Variants in NFATC3 observed in about 807,000 individuals in gnomAD.
NFATC3 encodes nuclear factor of activated T cells 3, also known as nuclear factor of activated T-cells, cytoplasmic 3.
Under a neutral mutation model 98.6 loss-of-function variants are expected in NFATC3, and 46 were observed. That is an observed-to-expected ratio of 0.47 (90% CI 0.37 to 0.60). The LOEUF is 0.60. Ranked by LOEUF, NFATC3 falls within the 20% of genes least tolerant of loss-of-function variation. NFATC3 has a pLI of 0.00. For synonymous variants in NFATC3, 512 were observed against 472.2 expected, an observed-to-expected ratio of 1.08 and a Z score of -1.09; for missense variants, 1,256 against 1,295.5, an observed-to-expected ratio of 0.97 and a Z score of 0.47.
chr16:68,186,993 G>A (rs1048713894), intron 8 of NFATC3, among the ~76,000 whole-genome samples: 1 of 152,220 alleles, frequency 6.6e-6, no homozygotes, highest in African/African-American at 2.4e-5. Flanking sequence ...GGGCCACTTG[G>A]CCTGGCAAGC....
intron 1 of NFATC3, among the ~76,000 whole-genome samples, chr16:68,091,628 T>C (rs1047508991): frequency 2.0e-5 from 3 of 152,334 alleles, no homozygotes; most frequent in South Asian, 2.1e-4. Context: ...TTGTTTTAAA[T>C]AAGAGGTGAG....
intron 3 of NFATC3, chr16:68,138,766 A>G (rs1383585315): frequency 1.6e-6 from 2 of 1,281,804 alleles, no homozygotes; most frequent in Admixed American, 2.4e-5. Context: ...GTAGTATAAT[A>G]TAGAACTCTA....
At chr16:68,154,618 T>C (rs2038513315) in intron 3 of NFATC3, among the ~76,000 whole-genome samples, 1 of 152,240 alleles carries the variant, frequency 6.6e-6, no homozygotes, top group Admixed American at 6.5e-5. Flanking sequence ...TGCAGTCTCC[T>C]CTCAGGGAAC....
intron 1 of NFATC3, among the ~76,000 whole-genome samples, chr16:68,094,486 A>G (rs1296090532): frequency 2.6e-5 from 4 of 151,932 alleles, no homozygotes; most frequent in Admixed American, 6.6e-5. Flanking sequence ...ACTACCTTCT[A>G]TAGCCACTAG....
Position 68,166,834 on chromosome 16 carries a change from T to C in NFATC3, c.1602-9T>C, listed in dbSNP as rs2039223404. On this transcript the variant is annotated splice_polypyrimidine_tract_variant and intron_variant, in intron 4 of 9. Transcript: ENST00000346183. ...TAAACAAATTAAATTTTTGTATTTTTCTCTTTAGTATTGATTGTGCAGGTA... is the reference window on the plus strand; with the variant it reads ...TAAACAAATTAAATTTTTGTATTTTCCTCTTTAGTATTGATTGTGCAGGTA... 5 of 1,591,874 alleles carry C rather than the reference T, an allele frequency of 3.1e-6. No homozygotes were observed. The highest frequency in any genetic ancestry group is 4.3e-6 in the Non-Finnish European group (5 of 1,166,926).
intron 5 of NFATC3, 139 bp downstream of exon 5, chr16:68,167,154 A>G (rs566776002): frequency 1.2e-6 from 1 of 833,590 alleles, no homozygotes; most frequent in East Asian, 2.5e-5. Flanking sequence ...CTCATGTGGA[A>G]ATGAGCTAAC....
chr16:68,109,123 G>A (rs889030380), intron 1 of NFATC3, among the ~76,000 whole-genome samples: 7 of 152,148 alleles, frequency 4.6e-5, no homozygotes, highest in Admixed American at 1.3e-4. Context: ...AATAGGAGTG[G>A]TGAGATAGGG....
intron 1 of NFATC3, among the ~76,000 whole-genome samples, chr16:68,115,819 A>G: frequency 6.6e-6 from 1 of 152,276 alleles, no homozygotes; most frequent in Middle Eastern, 3.4e-3. Context: ...GTGGTAATGC[A>G]TATATATGGC....
At chr16:68,141,584 A>G (rs1443988551) in intron 3 of NFATC3, among the ~76,000 whole-genome samples, 1 of 151,918 alleles carries the variant, frequency 6.6e-6, no homozygotes, top group Admixed American at 6.6e-5. Context: ...CATTTTTTTC[A>G]TACGTTTGTG....
At chr16:68,124,346 C>G (rs1031668291) in intron 2 of NFATC3, among the ~76,000 whole-genome samples, 1 of 151,764 alleles carries the variant, frequency 6.6e-6, no homozygotes, top group African/African-American at 2.4e-5. Flanking sequence ...CTCCTGGCCT[C>G]AAGTGATCCT....
At chr16:68,125,854 A>G (rs868858149) in intron 2 of NFATC3, among the ~76,000 whole-genome samples, 26 of 152,152 alleles carry the variant, frequency 1.7e-4, no homozygotes, top group African/African-American at 6.0e-4. Context: ...GGAAACCAAA[A>G]TGAAGATAAG....
At chr16:68,113,061 T>C (rs74212657) in intron 1 of NFATC3, among the ~76,000 whole-genome samples, 2 of 152,204 alleles carry the variant, frequency 1.3e-5, no homozygotes, top group South Asian at 2.1e-4. Flanking sequence ...AAGTTTGTTA[T>C]TACCTACCTT....
chr16:68,155,858 A>G (rs1236145128), intron 3 of NFATC3, among the ~76,000 whole-genome samples: 1 of 152,140 alleles, frequency 6.6e-6, no homozygotes, highest in Non-Finnish European at 1.5e-5. Context: ...AAAGAGAGAA[A>G]ACACTCAATG....
chr16:68,198,047 T>C (rs1037300183), intron 9 of NFATC3, among the ~76,000 whole-genome samples: 1 of 152,172 alleles, frequency 6.6e-6, no homozygotes, highest in African/African-American at 2.4e-5. Flanking sequence ...AGACTGAGCA[T>C]GGTGGCTCAC....
At chr16:68,114,151 G>T (rs925448666) in intron 1 of NFATC3, among the ~76,000 whole-genome samples, 2 of 152,268 alleles carry the variant, frequency 1.3e-5, no homozygotes, top group Admixed American at 6.5e-5. Context: ...TCCCGCGCAG[G>T]GTAGCACAGT....
At chr16:68,115,891 G>C (rs908984662) in intron 1 of NFATC3, among the ~76,000 whole-genome samples, 4 of 152,084 alleles carry the variant, frequency 2.6e-5, no homozygotes, top group African/African-American at 9.7e-5. Flanking sequence ...TGCTTTAAAA[G>C]GGCAACATTC....
chr16:68,096,787 T>C (rs2035041139), intron 1 of NFATC3, among the ~76,000 whole-genome samples: 1 of 152,166 alleles, frequency 6.6e-6, no homozygotes, highest in South Asian at 2.1e-4. Context: ...GGTCCTTTAA[T>C]TTGGAAAGTG....
At chr16:68,206,641 T>A (rs2041156408) in intron 9 of NFATC3, among the ~76,000 whole-genome samples, 1 of 152,146 alleles carries the variant, frequency 6.6e-6, no homozygotes, top group African/African-American at 2.4e-5. Flanking sequence ...AGGAATAATA[T>A]TCAATTTTTT....
At position 68,226,710 on chromosome 16, in the gene NFATC3, C is replaced by G. The variant is rs1359863023; in HGVS notation, c.*239C>G. 5.9e-6 allele frequency: 2 copies of G among 340,854 alleles called. No homozygotes were observed. The highest frequency in any genetic ancestry group is 4.3e-5 in the African/African-American group (2 of 46,882). The allele number at this position is 340,854 out of a possible 1,614,324, so 21.1% of individuals were successfully genotyped here. A position where few individuals can be genotyped will look rare whatever the true frequency, so the allele number is the denominator to read the frequency against. On this transcript the variant is annotated 3_prime_UTR_variant, in exon 10 of 10. Transcript: ENST00000346183. Reference sequence around the variant, plus strand: ...TTGCTTTTTATATTTAACTAGGATACTTTTATATGATGGGTGCTTTGAGTG... The same window carrying G: ...TTGCTTTTTATATTTAACTAGGATAGTTTTATATGATGGGTGCTTTGAGTG...
Sources: gnomAD v4.1 joint callset for allele counts (sites outside exome capture counted in the v4.1 genomes callset) on GRCh38, gnomAD v4.1.1 for gene constraint, MANE v1.5 for transcripts, NCBI Gene and HGNC (gene_info 2026-07-23, HGNC 2026-07-21) for gene names.